IRAK1BP1: variants seen among roughly 807,000 people sequenced by gnomAD.
IRAK1BP1 encodes interleukin 1 receptor associated kinase 1 binding protein 1.
A neutral mutation model predicts 28.0 loss-of-function variants in IRAK1BP1; 24 were observed. The observed-to-expected ratio is 0.86, with a 90% CI of 0.62 to 1.20. The LOEUF is 1.20. Among genes scored for constraint, IRAK1BP1 ranks in the 50% most tolerant of loss-of-function variants. IRAK1BP1 has a pLI of 0.00. For missense variants in IRAK1BP1, 336 were observed against 316.7 expected (o/e 1.06, Z -0.46); for synonymous variants, 131 against 116.3 (o/e 1.13, Z -0.81).
At chr6:78,922,000 T>C (rs868443933) in intron 4 of IRAK1BP1, among the ~76,000 whole-genome samples, 4 of 151,940 alleles carry the variant, frequency 2.6e-5, no homozygotes, top group Admixed American at 2.0e-4. Flanking sequence ...AACCGAAAAT[T>C]CTAAAAATCA....
At chr6:78,874,129 G>A (rs1358460137) in intron 1 of IRAK1BP1, among the ~76,000 whole-genome samples, 2 of 152,136 alleles carry the variant, frequency 1.3e-5, no homozygotes, top group Non-Finnish European at 2.9e-5. Flanking sequence ...AAAAACAATA[G>A]TCTTTGTTTC....
chr6:78,868,541 C>T (rs911043321), intron 1 of IRAK1BP1, among the ~76,000 whole-genome samples: 1 of 152,232 alleles, frequency 6.6e-6, no homozygotes, highest in Non-Finnish European at 1.5e-5. Context: ...CTTCTACTTA[C>T]TTAACGGAGA....
intron 4 of IRAK1BP1, chr6:78,937,084 T>C (rs960600638): frequency 6.6e-6 from 1 of 151,788 alleles, no homozygotes; most frequent in East Asian, 1.9e-4. Context: ...TTTAAAATCA[T>C]GTAACTCCTG....
At chr6:78,960,066 C>T in the IRAK1BP1 span, among the ~76,000 whole-genome samples, 3 of 152,016 alleles carry the variant, frequency 2.0e-5, no homozygotes, top group Admixed American at 2.0e-4. Context: ...TCACTGACAT[C>T]GCTCAGCATC....
the IRAK1BP1 span, among the ~76,000 whole-genome samples, chr6:78,973,094 A>G: frequency 6.6e-6 from 1 of 152,162 alleles, no homozygotes; most frequent in Non-Finnish European, 1.5e-5. Context: ...CCAAAGTTGA[A>G]ATGAAGGAAA....
intron 4 of IRAK1BP1, chr6:78,935,611 A>T (rs1307815545): frequency 1.0e-6 from 1 of 980,248 alleles, no homozygotes; most frequent in East Asian, 1.1e-4. Flanking sequence ...GTACACATAA[A>T]AAGGCATATA....
At chr6:78,921,721 C>A (rs1213993596) in intron 4 of IRAK1BP1, among the ~76,000 whole-genome samples, 1 of 152,160 alleles carries the variant, frequency 6.6e-6, no homozygotes, top group South Asian at 2.1e-4. Context: ...TCCTCTGAGA[C>A]AAAACTTCCA....
intron 4 of IRAK1BP1, among the ~76,000 whole-genome samples, chr6:78,928,802 C>T (rs940111168): frequency 6.6e-6 from 1 of 151,848 alleles, no homozygotes; most frequent in African/African-American, 2.4e-5. Flanking sequence ...TTATTCTGTC[C>T]TGTATTATAC....
chr6:78,969,929 C>G, the IRAK1BP1 span: 1 of 1,581,642 alleles, frequency 6.3e-7, no homozygotes, highest in Non-Finnish European at 8.6e-7. Context: ...TAATTACAAA[C>G]AGAAACAAAT....
intron 1 of IRAK1BP1, among the ~76,000 whole-genome samples, chr6:78,885,071 G>A (rs1737475605): frequency 6.6e-6 from 1 of 151,852 alleles, no homozygotes; most frequent in African/African-American, 2.4e-5. Flanking sequence ...CTTTTGTTTT[G>A]CAGTGCAATT....
chr6:78,876,924 C>T (rs1308660741), intron 1 of IRAK1BP1, among the ~76,000 whole-genome samples: 3 of 152,170 alleles, frequency 2.0e-5, no homozygotes, highest in Non-Finnish European at 2.9e-5. Flanking sequence ...TGGAACCCAC[C>T]AGCCAGACTA....
Position 78,878,937 on chromosome 6 carries a change from G to T in IRAK1BP1, c.316-6441G>T, listed in dbSNP as rs1662478113. 3.3e-5 allele frequency among the ~76,000 whole-genome samples: 5 copies of T among 152,134 alleles called. No homozygotes were observed. The South Asian group carries it at 1.0e-3, about 31-fold the overall frequency. On this transcript the variant is annotated intron_variant, in intron 1 of 3. Coordinates refer to ENST00000369940, the MANE Select transcript of IRAK1BP1 (RefSeq NM_001010844.4). The stretch of plus-strand genomic sequence containing the variant: ...TCAAATGAATGAAATGAAGTGAGAA[G>T]TTTACAGAAAAAAGAGTAAAAATAA...
intron 1 of IRAK1BP1, among the ~76,000 whole-genome samples, chr6:78,879,713 T>C (rs1244014871): frequency 6.6e-6 from 1 of 152,090 alleles, no homozygotes; most frequent in Non-Finnish European, 1.5e-5. Flanking sequence ...CTTACTTATG[T>C]AGAGAAAAGA....
intron 2 of IRAK1BP1, among the ~76,000 whole-genome samples, chr6:78,887,156 G>C (rs1470416516): frequency 6.6e-6 from 1 of 152,152 alleles, no homozygotes; most frequent in Middle Eastern, 3.2e-3. Context: ...AATGAGATTA[G>C]ATGGTTGGTA....
intron 4 of IRAK1BP1, among the ~76,000 whole-genome samples, chr6:78,912,506 C>G (rs1772453946): frequency 6.6e-6 from 1 of 152,130 alleles, no homozygotes; most frequent in African/African-American, 2.4e-5. Flanking sequence ...ATTGGATTTG[C>G]TGTATACACA....
downstream of IRAK1BP1, chr6:78,903,193 T>C (rs1314716283): frequency 1.4e-6 from 1 of 700,012 alleles, no homozygotes; most frequent in East Asian, 2.8e-5. Context: ...GTTTAAACTT[T>C]ATTAGGAGGC....
chr6:78,948,662 T>C (rs1286986829), downstream of IRAK1BP1, among the ~76,000 whole-genome samples: 3 of 152,200 alleles, frequency 2.0e-5, no homozygotes, highest in East Asian at 5.8e-4. Flanking sequence ...ACCCAGCTAA[T>C]TTTTATAATT....
At chr6:78,975,345 A>G in the IRAK1BP1 span, among the ~76,000 whole-genome samples, 8 of 152,252 alleles carry the variant, frequency 5.3e-5, no homozygotes, top group African/African-American at 1.9e-4. Context: ...AAAAACTCTC[A>G]ATAAATTAGG....
downstream of IRAK1BP1, among the ~76,000 whole-genome samples, chr6:78,906,656 A>G (rs1207608686): frequency 2.0e-5 from 3 of 152,154 alleles, no homozygotes; most frequent in Non-Finnish European, 4.4e-5. Context: ...ATTAGGGAGG[A>G]TGATTCAGTT....
Sources: allele counts gnomAD v4.1 joint callset (sites outside exome capture counted in the v4.1 genomes callset), GRCh38; gene constraint gnomAD v4.1.1; transcripts MANE v1.5; gene names NCBI Gene and HGNC (gene_info 2026-07-23, HGNC 2026-07-21).